Variants in FAM171A1 observed in about 807,000 individuals in gnomAD.
The protein encoded by FAM171A1 is protein FAM171A1.
FAM171A1 carries 23 observed loss-of-function variants against 74.9 expected under a neutral mutation model. The ratio of observed to expected loss-of-function variants is 0.31; its 90% CI spans 0.22 to 0.44. The LOEUF (loss-of-function observed/expected upper bound fraction) is 0.44. FAM171A1 is among the 20% of genes least tolerant of loss of function. The probability of loss-of-function intolerance (pLI) is 1.00; values close to 1 mark genes in which losing one functional copy is unlikely to be tolerated. For missense variants in FAM171A1, 1,162 were observed against 1,159.2 expected (o/e 1.00, Z -0.03); for synonymous variants, 527 against 505.7 (o/e 1.04, Z -0.57).
intron 5 of FAM171A1, chr10:15,240,679 C>T (rs571556506): frequency 1.8e-5 from 18 of 980,488 alleles, no homozygotes; most frequent in Middle Eastern, 5.3e-4. Context: ...TTTCAATTTC[C>T]TGGCAGTCAA....
At chr10:15,293,676 A>G (rs1835128718) in intron 1 of FAM171A1, among the ~76,000 whole-genome samples, 2 of 152,288 alleles carry the variant, frequency 1.3e-5, no homozygotes, top group South Asian at 4.1e-4. Flanking sequence ...TCATCAAAAG[A>G]TTTAAGGAAG....
rs542586066 is a variant in FAM171A1, at chr10:15,292,964, C to T, written c.98-8859G>A. Among the ~76,000 whole-genome samples, 354 of 152,272 alleles carry T rather than the reference C, an allele frequency of 2.3e-3. 2 individuals carry two copies. Among genetic ancestry groups the T allele is most frequent in the African/African-American group, 7.9e-3 (330 of 41,568 alleles). ...ATAATTCTTACTATTCTGTCTAAAA[C>T]GTCGATCCCAGCCTCACCCCAAATT... On this transcript the variant is annotated intron_variant, in intron 1 of 7. Coordinates refer to ENST00000378116, the MANE Select transcript of FAM171A1 (RefSeq NM_001010924.2).
chr10:15,340,603 G>A (rs1227929833), intron 1 of FAM171A1, among the ~76,000 whole-genome samples: 1 of 152,158 alleles, frequency 6.6e-6, no homozygotes, highest in East Asian at 1.9e-4. Flanking sequence ...ACTGTGAGCT[G>A]GCATCCTGTT....
chr10:15,280,630 T>C (rs1447070601), intron 2 of FAM171A1, among the ~76,000 whole-genome samples: 2 of 152,168 alleles, frequency 1.3e-5, no homozygotes, highest in African/African-American at 4.8e-5. Flanking sequence ...TTGTTAAGGA[T>C]GAAAAAGGAA....
chr10:15,315,863 TAAGGTAGA>T (rs1194505217), intron 1 of FAM171A1, among the ~76,000 whole-genome samples: 1 of 152,140 alleles, frequency 6.6e-6, no homozygotes, highest in Non-Finnish European at 1.5e-5. Flanking sequence ...ACTATCAATA[TAAGGTAGA>T]AAATACAGAA....
intron 1 of FAM171A1, among the ~76,000 whole-genome samples, chr10:15,318,825 C>T (rs1223144711): frequency 6.6e-6 from 1 of 152,158 alleles, no homozygotes; most frequent in Non-Finnish European, 1.5e-5. Context: ...CATACCTGTG[C>T]CTCTCTCACT....
chr10:15,334,985 C>T (rs1468682322), intron 1 of FAM171A1, among the ~76,000 whole-genome samples: 2 of 152,162 alleles, frequency 1.3e-5, no homozygotes, highest in East Asian at 1.9e-4. Flanking sequence ...CTCACGCCTG[C>T]AATCCTAGCA....
chr10:15,297,355 G>A (rs183676181), intron 1 of FAM171A1, among the ~76,000 whole-genome samples: 64 of 152,158 alleles, frequency 4.2e-4, no homozygotes, highest in South Asian at 8.3e-4. Flanking sequence ...CACCGCACCT[G>A]GCTGCCATCA....
At chr10:15,271,483 TC>T (rs1834824219) in intron 3 of FAM171A1, among the ~76,000 whole-genome samples, 1 of 152,050 alleles carries the variant, frequency 6.6e-6, no homozygotes, top group South Asian at 2.1e-4. Context: ...CAGGAGAACT[TC>T]CCCAACCTAG....
intron 2 of FAM171A1, among the ~76,000 whole-genome samples, chr10:15,276,345 T>A (rs1188998541): frequency 6.6e-6 from 1 of 152,134 alleles, no homozygotes; most frequent in Non-Finnish European, 1.5e-5. Context: ...CATGCCCAGA[T>A]AATTTTTGCA....
At chr10:15,231,174 G>T (rs1034796260) in intron 5 of FAM171A1, among the ~76,000 whole-genome samples, 3 of 152,212 alleles carry the variant, frequency 2.0e-5, no homozygotes, top group African/African-American at 7.2e-5. Flanking sequence ...CTGATCCAGA[G>T]GTCTGGAGGA....
At chr10:15,309,134 A>C (rs17156541) in intron 1 of FAM171A1, among the ~76,000 whole-genome samples, 47,519 of 152,118 alleles carry the variant, frequency 0.31, 7,799 homozygotes, top group African/African-American at 0.4. Flanking sequence ...TCTGTAAGCA[A>C]TAAATTAATG....
chr10:15,347,991 CTTTT>C (rs1353069989), intron 1 of FAM171A1, among the ~76,000 whole-genome samples: 1 of 151,974 alleles, frequency 6.6e-6, no homozygotes, highest in Non-Finnish European at 1.5e-5. Context: ...TTCTTTCTTT[CTTTT>C]GAGACGGGGT....
At chr10:15,327,713 T>A (rs964842460) in intron 1 of FAM171A1, among the ~76,000 whole-genome samples, 1 of 151,954 alleles carries the variant, frequency 6.6e-6, no homozygotes, top group Admixed American at 6.6e-5. Flanking sequence ...AAATATAAGC[T>A]AAACATTGAG....
At chr10:15,370,418 T>C (rs1588576415) in intron 1 of FAM171A1, among the ~76,000 whole-genome samples, 1 of 147,236 alleles carries the variant, frequency 6.8e-6, no homozygotes, top group Non-Finnish European at 1.5e-5. Flanking sequence ...TAGTGGCTAG[T>C]GGCGGCAGCG....
intron 3 of FAM171A1, 91 bp downstream of exon 3, chr10:15,275,764 C>T: frequency 1.2e-6 from 1 of 815,974 alleles, no homozygotes; most frequent in Non-Finnish European, 1.9e-6. Flanking sequence ...ACCTTGTATA[C>T]AAACATCACA....
intron 5 of FAM171A1, among the ~76,000 whole-genome samples, chr10:15,244,350 G>A (rs1046938044): frequency 1.3e-5 from 2 of 152,068 alleles, no homozygotes; most frequent in Admixed American, 6.5e-5. Flanking sequence ...GTGAGACTCC[G>A]TCTCAAAAAA....
chr10:15,347,817 A>G (rs1443404168), intron 1 of FAM171A1, among the ~76,000 whole-genome samples: 1 of 138,820 alleles, frequency 7.2e-6, no homozygotes, highest in African/African-American at 2.8e-5. Flanking sequence ...CCTGGGCAAC[A>G]GAGCGAGACT....
chr10:15,282,982 C>G (rs532110429), intron 2 of FAM171A1, among the ~76,000 whole-genome samples: 1 of 152,332 alleles, frequency 6.6e-6, no homozygotes, highest in East Asian at 1.9e-4. Flanking sequence ...TCATTTCAAA[C>G]TAAAGGCCGA....
Sources: gnomAD v4.1 joint callset for allele counts (sites outside exome capture counted in the v4.1 genomes callset) on GRCh38, gnomAD v4.1.1 for gene constraint, MANE v1.5 for transcripts, NCBI Gene and HGNC (gene_info 2026-07-23, HGNC 2026-07-21) for gene names.